The following THOP1 variants were observed in gnomAD, a reference collection of about 807,000 sequenced individuals.
THOP1 encodes thimet oligopeptidase 1, also known as thimet oligopeptidase.
In THOP1, 49 loss-of-function variants were observed where a neutral mutation model predicts 71.8. The ratio of observed to expected loss-of-function variants is 0.68; its 90% CI spans 0.54 to 0.87. THOP1 has a LOEUF of 0.87. Among genes scored for constraint, THOP1 ranks in the 40% least tolerant of loss-of-function variants. The pLI, the probability that THOP1 is intolerant of heterozygous loss-of-function variation, is 0.00. For missense variants in THOP1, 843 were observed against 975.6 expected (o/e 0.86, Z 1.81); for synonymous variants, 426 against 421.5 (o/e 1.01, Z -0.13).
Position 2,808,440 on chromosome 19 carries a change from C to T in THOP1, c.1451C>T (p.Ser484Phe). 1 of 1,603,100 alleles carries T rather than the reference C, an allele frequency of 6.2e-7. No individual in the cohort carries two copies. The highest frequency in any genetic ancestry group is 8.5e-7 in the Non-Finnish European group (1 of 1,172,880). Residue 484 changes from serine (S) to phenylalanine (F), a missense_variant, in exon 9 of 13, where the codon TCC (serine) becomes TTC (phenylalanine). Ser to Phe is a radical substitution (Grantham distance 155, BLOSUM62 -2). Coordinates refer to ENST00000307741, the MANE Select transcript of THOP1 (RefSeq NM_003249.5). ...GGCCACGTGATGCACCAGCTCTGCT[C>T]CCAGGTGGGTGCGGGCCCGGGCAGG... ...EFGHVMHQLCSQAEFAMFSGT... is the reference protein window; with the variant it reads ...EFGHVMHQLCFQAEFAMFSGT...
rs181903259 is a variant in THOP1 at position 2,795,207 on chromosome 19, G to T, written c.378+295G>T. On this transcript the variant is annotated intron_variant, in intron 3 of 12. Transcript: ENST00000307741. ...ACTCCTGACCTCAGGTGATCCGCCC[G>T]CCTTGGCCTCCCAAAGTGCTGGGAT... 2.6e-5 allele frequency among the ~76,000 whole-genome samples: 4 copies of T among 152,070 alleles called. No individual in the cohort carries two copies. The South Asian group carries it at 8.3e-4, about 32-fold the overall frequency.
In THOP1 at chr19:2,807,043, A is replaced by G. The variant is rs776987302; in HGVS notation, c.877A>G (p.Thr293Ala). ...NMAKTSQTVA[T>A]FLDELAQKLK... ...GGCCAAGACCAGCCAGACCGTGGCC[A>G]CCTTCCTAGGTAGCCCTTCCTTCCT... Residue 293 changes from threonine to alanine, a missense_variant, in exon 7 of 13, where the codon ACC becomes GCC. Physicochemically the swap from Thr to Ala is moderately conservative, Grantham distance 58 (BLOSUM62 0). Transcript: ENST00000307741. The G allele has an allele frequency of 9.4e-5, 151 of 1,609,998 alleles. No homozygotes were observed. Among genetic ancestry groups the G allele is most frequent in the Non-Finnish European group, 1.2e-4 (144 of 1,178,488 alleles).
At chr19:2,791,395 C>A (rs951655300) in intron 2 of THOP1, among the ~76,000 whole-genome samples, 2 of 127,538 alleles carry the variant, frequency 1.6e-5, no homozygotes, top group Non-Finnish European at 3.1e-5. Context: ...AAGCCCAGGG[C>A]TTCTCTCGTG....
At position 2,808,335 on chromosome 19, in the gene THOP1, T is replaced by C; in HGVS notation, c.1346T>C (p.Val449Ala). ...CGCCAGATCGCCATCGCGGCCATGG[T>C]GGCCAACTTCACCAAGCCCACAGCC... Reference protein sequence around the residue: ...GSRQIAIAAMVANFTKPTADA... With the variant: ...GSRQIAIAAMAANFTKPTADA... The change falls in exon 9 of 13, where the codon GTG (valine) becomes GCG (alanine). Residue 449 changes from valine (V) to alanine (A), a missense_variant. By Grantham distance (64) the Val-to-Ala change is moderately conservative. Transcript: ENST00000307741. 1 of 1,603,884 alleles carries C rather than the reference T, an allele frequency of 6.2e-7. No homozygotes were observed. The highest frequency in any genetic ancestry group is 8.5e-7 in the Non-Finnish European group (1 of 1,175,700).
intron 2 of THOP1, among the ~76,000 whole-genome samples, chr19:2,791,242 G>T (rs776531333): frequency 1.3e-5 from 2 of 152,166 alleles, no homozygotes; most frequent in Non-Finnish European, 2.9e-5. Flanking sequence ...ACTGCTTCCC[G>T]AGCTCTGCCT....
At position 2,808,415 on chromosome 19, in the gene THOP1, G is replaced by C; in HGVS notation, c.1426G>C (p.Gly476Arg). Residue 476 changes from glycine (G) to arginine (R), a missense_variant, in exon 9 of 13, where the codon GGC (glycine) becomes CGC (arginine). By Grantham distance (125) the Gly-to-Arg change is moderately radical (BLOSUM62 -2). Transcript: ENST00000307741. Reference protein sequence around the residue: ...DEVETYFHEFGHVMHQLCSQA... With the variant: ...DEVETYFHEFRHVMHQLCSQA... ...GGTGGAGACCTACTTCCATGAGTTT[G>C]GCCACGTGATGCACCAGCTCTGCTC... The C allele has an allele frequency of 6.2e-7, 1 of 1,609,102 alleles. No individual in the cohort carries two copies. Among genetic ancestry groups the C allele is most frequent in the Non-Finnish European group, 8.5e-7 (1 of 1,177,112 alleles).
intron 12 of THOP1, chr19:2,812,127 C>A: frequency 7.0e-7 from 1 of 1,427,802 alleles, no homozygotes; most frequent in Admixed American, 2.6e-5. Flanking sequence ...GGCCTCAGAG[C>A]CATGGGCTGA....
Position 2,807,656 on chromosome 19 carries a change from C to T in THOP1, c.1101C>T (p.His367=), listed in dbSNP as rs566776905. 3.1e-6 allele frequency: 5 copies of T among 1,609,022 alleles called. No homozygotes were observed. Among genetic ancestry groups the T allele is most frequent in the Admixed American group, 1.7e-5 (1 of 59,840 alleles). Residue 367 remains histidine, a synonymous_variant, in exon 8 of 13, where the codon CAC becomes CAT. Coordinates refer to ENST00000307741, the MANE Select transcript of THOP1 (RefSeq NM_003249.5). ...ACTTCCCCGTGCAGGTGGTCACGCA[C>T]GGGCTGCTGGGCATCTACCAGGAGC... The part of the protein sequence containing the change: ...KEYFPVQVVT[H]GLLGIYQELL...
At position 2,811,740 on chromosome 19, in the gene THOP1, C is replaced by T. The variant is rs781067277; in HGVS notation, c.1908+6C>T. ...AGGGTGTCCTGAACAGCAAGGTACG[C>T]GGGGACTGGGGACAGGGAGGGCGTC... is the stretch of plus-strand genomic sequence containing the variant. On this transcript the variant is annotated splice_donor_region_variant and intron_variant, in intron 12 of 12. Coordinates refer to ENST00000307741, the MANE Select transcript of THOP1 (RefSeq NM_003249.5). 8 of 1,573,190 alleles carry T rather than the reference C, an allele frequency of 5.1e-6. No individual in the cohort carries two copies. The highest frequency in any genetic ancestry group is 4.3e-5 in the African/African-American group (3 of 70,088).
In THOP1 at chr19:2,813,291, A is replaced by G; in HGVS notation, c.*15A>G. 6.2e-7 allele frequency: 1 copy of G among 1,601,954 alleles called. No individual in the cohort carries two copies. The highest frequency in any genetic ancestry group is 8.5e-7 in the Non-Finnish European group (1 of 1,175,576). On this transcript the variant is annotated 3_prime_UTR_variant, in exon 13 of 13. Transcript: ENST00000307741. ...AGGTCTGCTGAGGCCTGGCACTGCG[A>G]CTGCCCAGTCTGGCCTGCGCTCCCG...
intron 5 of THOP1, among the ~76,000 whole-genome samples, chr19:2,802,117 T>A (rs1210762445): frequency 6.8e-6 from 1 of 147,668 alleles, no homozygotes; most frequent in African/African-American, 2.5e-5. Flanking sequence ...TACCACCACC[T>A]CCAACACCAC....
At chr19:2,810,186 C>T in intron 9 of THOP1, 118 bp from the exon 10 acceptor site, 1 of 1,305,682 alleles carries the variant, frequency 7.7e-7, no homozygotes, top group Non-Finnish European at 1.0e-6. Context: ...GAGGGCCGGG[C>T]CCAGCGCATC....
chr19:2,807,728 T>C lies in THOP1; in HGVS notation c.1173T>C (p.His391=), dbSNP rs1208020415. The change falls in exon 8 of 13, where the codon CAT becomes CAC. Residue 391 remains histidine, a synonymous_variant. Transcript: ENST00000307741. ...ACGAGGAGGGCGCCAGTGCCTGGCATGAGGACGTGCGGCTCTACACCGCGA... is the reference window on the plus strand; with the variant it reads ...ACGAGGAGGGCGCCAGTGCCTGGCACGAGGACGTGCGGCTCTACACCGCGA... ...FHHEEGASAW[H]EDVRLYTARD... The C allele has an allele frequency of 1.3e-6, 2 of 1,594,128 alleles. No homozygotes were observed. Among genetic ancestry groups the C allele is most frequent in the Admixed American group, 1.7e-5 (1 of 58,774 alleles).
chr19:2,786,474 G>A (rs914036378), intron 1 of THOP1, among the ~76,000 whole-genome samples: 17 of 152,096 alleles, frequency 1.1e-4, no homozygotes, highest in African/African-American at 3.9e-4. Context: ...CTGGGTTCAA[G>A]CAATCCACCT....
intron 9 of THOP1, among the ~76,000 whole-genome samples, chr19:2,808,655 A>G (rs1916377344): frequency 6.6e-6 from 1 of 152,254 alleles, no homozygotes; most frequent in African/African-American, 2.4e-5. Flanking sequence ...GGCTTACACA[A>G]GGTGCGTGTA....
chr19:2,785,852 C>CCAGCT (rs1247247558), intron 1 of THOP1, among the ~76,000 whole-genome samples, 174 bp downstream of exon 1: 1 of 152,144 alleles, frequency 6.6e-6, no homozygotes, highest in Non-Finnish European at 1.5e-5. Context: ...AATGAATGAA[C>CCAGCT]CAGCTTTTCC....
chr19:2,809,985 G>A (rs749490529), intron 9 of THOP1: 15 of 411,138 alleles, frequency 3.6e-5, no homozygotes, highest in Non-Finnish European at 5.7e-5. Context: ...GGACCTGGCC[G>A]TCCCCAGGTC....
At position 2,807,545 on chromosome 19, in the gene THOP1, C is replaced by T; in HGVS notation, c.990C>T (p.Gly330=). 1 of 1,612,546 alleles carries T rather than the reference C, an allele frequency of 6.2e-7. No homozygotes were observed. Among genetic ancestry groups the T allele is most frequent in the Non-Finnish European group, 8.5e-7 (1 of 1,179,866 alleles). The change falls in exon 8 of 13, where the codon GGC becomes GGT. Residue 330 remains glycine (G), a synonymous_variant. Transcript: ENST00000307741. ...ECERRGLPFD[G]RIRAWDMRYY... is the part of the protein sequence containing the mutation. ...AGCGCCGGGGCCTGCCCTTCGACGG[C>T]CGCATCCGTGCCTGGGACATGCGCT... is the stretch of plus-strand genomic sequence containing the variant.
chr19:2,790,372 A>C, intron 1 of THOP1, 49 bp from the exon 2 acceptor site: 2 of 1,478,872 alleles, frequency 1.4e-6, no homozygotes, highest in Non-Finnish European at 1.8e-6. Flanking sequence ...TTTGACCCTA[A>C]CTGAACCGAA....
Sources: gnomAD v4.1 joint callset for allele counts (sites outside exome capture counted in the v4.1 genomes callset) on GRCh38, gnomAD v4.1.1 for gene constraint, MANE v1.5 for transcripts, NCBI Gene and HGNC (gene_info 2026-07-23, HGNC 2026-07-21) for gene names.